Variants in SLCO1C1 observed in about 807,000 individuals in gnomAD.
SLCO1C1 encodes the protein OAT-RP-5.
A neutral mutation model predicts 76.4 loss-of-function variants in SLCO1C1; 70 were observed. The observed-to-expected ratio is 0.92, with a 90% CI of 0.76 to 1.12. The LOEUF is 1.12. Among genes scored for constraint, SLCO1C1 ranks in the 50% most tolerant of loss-of-function variants. SLCO1C1 has a pLI of 0.00. For synonymous variants in SLCO1C1, 306 were observed against 286.1 expected, an observed-to-expected ratio of 1.07 and a Z score of -0.70; for missense variants, 912 against 823.8, an observed-to-expected ratio of 1.11 and a Z score of -1.31.
chr12:20,714,911 C>T (rs1415853383), intron 5 of SLCO1C1, among the ~76,000 whole-genome samples: 1 of 152,112 alleles, frequency 6.6e-6, no homozygotes, highest in Non-Finnish European at 1.5e-5. Context: ...GGATCAGGAA[C>T]AAGAAGCAAT....
chr12:20,710,892 T>A (rs1056920425), intron 4 of SLCO1C1, among the ~76,000 whole-genome samples: 6 of 152,294 alleles, frequency 3.9e-5, no homozygotes, highest in African/African-American at 1.4e-4. Context: ...TAGTCACTAG[T>A]TTGCTTTAAG....
chr12:20,713,083 C>CTTTTTTT lies in SLCO1C1; in HGVS notation c.529+1581_529+1587dup, dbSNP rs71039973. Among the ~76,000 whole-genome samples, 1,105 of 142,530 alleles carry CTTTTTTT rather than the reference C, an allele frequency of 7.8e-3. 24 individuals are homozygous for CTTTTTTT. The highest frequency in any genetic ancestry group is 0.027 in the African/African-American group (1,049 of 38,428). 93.5% of individuals were successfully genotyped at this position (142,530 alleles called of 152,430 possible). ...AATGTACGGCCAGGGAAGATGTTTTCTTTTTTTTTTTTTTGAGACGGAGTC... is the reference window on the plus strand; with the variant it reads ...AATGTACGGCCAGGGAAGATGTTTTCTTTTTTTTTTTTTTTTTTTTTGAGACGGAGTC... On this transcript the variant is annotated intron_variant, in intron 5 of 14. Coordinates refer to ENST00000266509, the MANE Select transcript of SLCO1C1 (RefSeq NM_017435.5).
chr12:20,740,217 G>A lies in SLCO1C1; in HGVS notation c.1582G>A (p.Ala528Thr). The A allele has an allele frequency of 1.2e-6, 2 of 1,612,750 alleles. No individual in the cohort carries two copies. The highest frequency in any genetic ancestry group is 1.7e-6 in the Non-Finnish European group (2 of 1,179,586). ...FYNCTCVGIAASKSGNSSGIV... is the reference protein window; with the variant it reads ...FYNCTCVGIATSKSGNSSGIV... Reference sequence around the variant, plus strand: ...CAACTGCACTTGTGTGGGAATTGCAGCTTCTAAATCCGGAAATTCCTCAGG... The same window carrying A: ...CAACTGCACTTGTGTGGGAATTGCAACTTCTAAATCCGGAAATTCCTCAGG... The change falls in exon 12 of 15, where the codon GCT (alanine) becomes ACT (threonine). Residue 528 changes from alanine to threonine, a missense_variant. Transcript: ENST00000266509.
chr12:20,736,461 T>C (rs1301790373), intron 10 of SLCO1C1, among the ~76,000 whole-genome samples: 2 of 152,130 alleles, frequency 1.3e-5, no homozygotes, highest in South Asian at 2.1e-4. Context: ...TTGAACTTAC[T>C]TGTGAATTTG....
At chr12:20,704,169 T>A (rs1946667807) in intron 3 of SLCO1C1, among the ~76,000 whole-genome samples, 1 of 151,594 alleles carries the variant, frequency 6.6e-6, no homozygotes. Flanking sequence ...ATTTCAAATG[T>A]ATCTCCTGAC....
intron 13 of SLCO1C1, among the ~76,000 whole-genome samples, chr12:20,746,408 C>A (rs1412609786): frequency 6.6e-6 from 1 of 151,828 alleles, no homozygotes; most frequent in African/African-American, 2.4e-5. Context: ...TCAAAGTAAC[C>A]AAATTAGTCA....
chr12:20,741,758 G>A (rs2120888587), intron 12 of SLCO1C1, among the ~76,000 whole-genome samples: 1 of 152,084 alleles, frequency 6.6e-6, no homozygotes. Context: ...CATTCTAATT[G>A]AGTTAGCTTT....
chr12:20,740,086 A>T, intron 11 of SLCO1C1, 98 bp from the exon 12 acceptor site: 2 of 1,173,870 alleles, frequency 1.7e-6, no homozygotes, highest in Admixed American at 4.9e-5. Context: ...CTCATTGTTT[A>T]CATAATGCAT....
At chr12:20,727,788 C>T (rs992887067) in intron 9 of SLCO1C1, among the ~76,000 whole-genome samples, 1 of 152,196 alleles carries the variant, frequency 6.6e-6, no homozygotes, top group Non-Finnish European at 1.5e-5. Context: ...GGATTACAGG[C>T]GTGAGCCACT....
At chr12:20,724,755 A>G (rs1472313670) in intron 9 of SLCO1C1, among the ~76,000 whole-genome samples, 1 of 147,158 alleles carries the variant, frequency 6.8e-6, no homozygotes, top group Non-Finnish European at 1.5e-5. Context: ...TATTACATAA[A>G]TAAACCACAG....
intron 4 of SLCO1C1, among the ~76,000 whole-genome samples, chr12:20,707,504 C>G (rs1946838716): frequency 6.6e-6 from 1 of 152,120 alleles, no homozygotes; most frequent in Non-Finnish European, 1.5e-5. Context: ...ATCAGTAGCT[C>G]TTCTATGTGA....
At chr12:20,717,002 A>G (rs1947391500) in intron 6 of SLCO1C1, 130 bp from the exon 7 acceptor site, 1 of 729,454 alleles carries the variant, frequency 1.4e-6, no homozygotes, top group Non-Finnish European at 2.2e-6. Flanking sequence ...AAGTTAACTA[A>G]ACACATGCAA....
At chr12:20,731,984 A>T (rs572572269) in intron 9 of SLCO1C1, among the ~76,000 whole-genome samples, 1 of 152,310 alleles carries the variant, frequency 6.6e-6, no homozygotes, top group African/African-American at 2.4e-5. Flanking sequence ...AGAGACATTC[A>T]AAGAATTACC....
Position 20,734,350 on chromosome 12 carries a change from T to C in SLCO1C1, c.1382+1246T>C, listed in dbSNP as rs568121794. Among the ~76,000 whole-genome samples the C allele has an allele frequency of 5.9e-5, 9 of 152,274 alleles. No homozygotes were observed. The East Asian group carries it at 1.7e-3, about 29-fold the overall frequency. On this transcript the variant is annotated intron_variant, in intron 10 of 14. Transcript: ENST00000266509. ...GACTCAGCTGAGTGTAGTGCTGCCTTAGTGAAAGTCAGTGATATGGATTAA... is the reference window on the plus strand; with the variant it reads ...GACTCAGCTGAGTGTAGTGCTGCCTCAGTGAAAGTCAGTGATATGGATTAA...
Position 20,725,332 on chromosome 12 carries a change from A to T in SLCO1C1, c.1186+2078A>T, listed in dbSNP as rs544688373. ...GCATATTACACTATAAGATAGTATT[A>T]TATGCTATATTAAAATTTATAGTAT... On this transcript the variant is annotated intron_variant, in intron 9 of 14. Transcript: ENST00000266509. 3.2e-3 allele frequency among the ~76,000 whole-genome samples: 436 copies of T among 136,278 alleles called. 21 individuals carry two copies. In the East Asian group the frequency reaches 0.082, roughly 26 times the overall value. 89.4% of individuals were successfully genotyped at this position (136,278 alleles called of 152,430 possible).
intron 13 of SLCO1C1, among the ~76,000 whole-genome samples, chr12:20,747,736 A>AT (rs899345250): frequency 1.4e-4 from 22 of 152,092 alleles, no homozygotes; most frequent in Admixed American, 7.9e-4. Flanking sequence ...TTAATTCAAA[A>AT]TTTTCTGCTC....
chr12:20,724,768 T>G (rs1947880311), intron 9 of SLCO1C1, among the ~76,000 whole-genome samples: 1 of 147,792 alleles, frequency 6.8e-6, no homozygotes, highest in Admixed American at 6.8e-5. Flanking sequence ...AACCACAGTT[T>G]ATTCATTTTA....
At chr12:20,734,393 A>G (rs80286678) in intron 10 of SLCO1C1, among the ~76,000 whole-genome samples, 2 of 152,222 alleles carry the variant, frequency 1.3e-5, no homozygotes, top group Non-Finnish European at 2.9e-5. Flanking sequence ...AGTTGTAACA[A>G]TGAAATGGAA....
chr12:20,706,231 A>G, intron 4 of SLCO1C1, 150 bp downstream of exon 4: 1 of 1,013,712 alleles, frequency 9.9e-7, no homozygotes, highest in Non-Finnish European at 1.4e-6. Context: ...ATTTCACAAC[A>G]ATTTTATAAT....
Sources: gnomAD v4.1 joint callset for allele counts (sites outside exome capture counted in the v4.1 genomes callset) on GRCh38, gnomAD v4.1.1 for gene constraint, MANE v1.5 for transcripts, NCBI Gene and HGNC (gene_info 2026-07-23, HGNC 2026-07-21) for gene names.